CSMD3: variants seen among roughly 807,000 people sequenced by gnomAD.
CSMD3 encodes CUB and Sushi multiple domains 3.
In CSMD3, 177 loss-of-function variants were observed where a neutral mutation model predicts 435.2. The ratio of observed to expected loss-of-function variants is 0.41; its 90% confidence interval spans 0.36 to 0.46. The LOEUF (loss-of-function observed/expected upper bound fraction) is 0.46. CSMD3 is among the 20% of genes least tolerant of loss of function. The pLI, the probability that CSMD3 is intolerant of heterozygous loss-of-function variation, is 0.34. For missense variants in CSMD3, 4,265 were observed against 4,504.6 expected (o/e 0.95, Z 1.52); for synonymous variants, 1,656 against 1,520.5 (o/e 1.09, Z -2.07).
chr8:113,055,962 GGATAA>G (rs2088317925), intron 5 of CSMD3, among the ~76,000 whole-genome samples: 1 of 152,144 alleles, frequency 6.6e-6, no homozygotes, highest in Non-Finnish European at 1.5e-5. Context: ...TGGGTGAAGA[GGATAA>G]GATGAGAGGG....
chr8:112,378,386 G>A (rs528765922), intron 38 of CSMD3, among the ~76,000 whole-genome samples: 3 of 152,058 alleles, frequency 2.0e-5, no homozygotes, highest in Admixed American at 6.6e-5. Context: ...TATTGCAGCA[G>A]TATTCACAAT....
rs1386802500 is a variant in CSMD3, at chr8:112,955,277, A to C, written c.1343-516T>G. Among the ~76,000 whole-genome samples the C allele has an allele frequency of 1.3e-5, 2 of 151,724 alleles. 1 individual carries two copies. Among genetic ancestry groups the C allele is most frequent in the Non-Finnish European group, 3.0e-5 (2 of 67,666 alleles). ...TTTAATAGCTCTGTCAATCATTTCCATTCATTATCATTGCTTTTGACACTA... is the reference window on the plus strand; with the variant it reads ...TTTAATAGCTCTGTCAATCATTTCCCTTCATTATCATTGCTTTTGACACTA... On this transcript the variant is annotated intron_variant, in intron 7 of 70. Transcript: ENST00000297405.
At chr8:112,539,417 C>A (rs911264294) in intron 27 of CSMD3, 1 of 151,904 alleles carries the variant, frequency 6.6e-6, no homozygotes, top group Admixed American at 6.6e-5. Flanking sequence ...TTTAAAAATT[C>A]TAAAATTCCT....
intron 11 of CSMD3, among the ~76,000 whole-genome samples, chr8:112,830,613 CA>C (rs1053989246): frequency 3.3e-5 from 5 of 151,742 alleles, no homozygotes; most frequent in Non-Finnish European, 7.4e-5. Context: ...TAATTTATAA[CA>C]AAATATTATT....
chr8:113,224,013 C>T (rs1052551497), intron 3 of CSMD3, among the ~76,000 whole-genome samples: 7 of 151,086 alleles, frequency 4.6e-5, no homozygotes, highest in African/African-American at 1.7e-4. Flanking sequence ...AACATCTAAT[C>T]TTCAGTTAAG....
At chr8:113,410,475 C>T (rs760982698) in intron 1 of CSMD3, among the ~76,000 whole-genome samples, 37 of 152,084 alleles carry the variant, frequency 2.4e-4, no homozygotes, top group Non-Finnish European at 4.7e-4. Flanking sequence ...TCCCCTCCTG[C>T]TTGAATATGC....
chr8:113,203,634 G>A lies in CSMD3; in HGVS notation c.515-29718C>T, dbSNP rs1010523193. 3.3e-5 allele frequency among the ~76,000 whole-genome samples: 5 copies of A among 151,842 alleles called. No homozygotes were observed. In the East Asian group the frequency reaches 7.8e-4, roughly 24 times the overall value. ...TTAAAATATCATATACCACTGAAGC[G>A]TTTATAGTGAAAATTTAGTTCTTAA... On this transcript the variant is annotated intron_variant, in intron 3 of 70. Transcript: ENST00000297405.
At chr8:112,817,759 TGA>T (rs2079415889) in intron 12 of CSMD3, among the ~76,000 whole-genome samples, 1 of 152,076 alleles carries the variant, frequency 6.6e-6, no homozygotes, top group Non-Finnish European at 1.5e-5. Context: ...CTCTGAATTG[TGA>T]GTTTAAATTT....
chr8:112,978,238 C>T (rs2084925530), intron 6 of CSMD3, among the ~76,000 whole-genome samples: 1 of 151,928 alleles, frequency 6.6e-6, no homozygotes, highest in African/African-American at 2.4e-5. Context: ...GGAATTTATA[C>T]TATGTCACAT....
intron 11 of CSMD3, among the ~76,000 whole-genome samples, chr8:112,850,506 T>C (rs80120882): frequency 6.6e-6 from 1 of 152,314 alleles, no homozygotes. Context: ...TGAATGTTGG[T>C]TGATATTTAA....
chr8:112,509,516 TTATAATAATA>T (rs1236349957), intron 28 of CSMD3, among the ~76,000 whole-genome samples: 1 of 152,200 alleles, frequency 6.6e-6, no homozygotes, highest in East Asian at 1.9e-4. Flanking sequence ...ACTTCTGCAT[TTATAATAATA>T]ATGAAGACTT....
chr8:113,005,776 A>T (rs918383806), intron 6 of CSMD3, among the ~76,000 whole-genome samples: 3 of 152,054 alleles, frequency 2.0e-5, no homozygotes, highest in African/African-American at 7.2e-5. Context: ...TATTTTTAAA[A>T]AATAATAAAC....
chr8:112,612,863 G>A (rs533771198), intron 22 of CSMD3, among the ~76,000 whole-genome samples: 23 of 151,246 alleles, frequency 1.5e-4, no homozygotes, highest in African/African-American at 5.6e-4. Flanking sequence ...AATCACAGGG[G>A]TGTACACCAC....
intron 27 of CSMD3, among the ~76,000 whole-genome samples, chr8:112,525,408 AG>A (rs1824774537): frequency 6.7e-6 from 1 of 150,256 alleles, no homozygotes; most frequent in African/African-American, 2.4e-5. Flanking sequence ...ATAAAGTAGA[AG>A]TTTAATCCAA....
intron 2 of CSMD3, among the ~76,000 whole-genome samples, chr8:113,292,660 AGGTAACATATGAGAT>A (rs2093694160): frequency 2.6e-5 from 4 of 152,012 alleles, no homozygotes; most frequent in South Asian, 4.2e-4. Flanking sequence ...GTAATTTTTG[AGGTAACATATGAGAT>A]GGCATGCTGT....
chr8:113,399,184 C>T (rs2094498427), intron 1 of CSMD3, among the ~76,000 whole-genome samples: 1 of 142,264 alleles, frequency 7.0e-6, no homozygotes, highest in South Asian at 2.2e-4. Flanking sequence ...ATATATAAAA[C>T]AAGTATTGGC....
chr8:113,243,567 G>A (rs553180608), intron 3 of CSMD3, among the ~76,000 whole-genome samples: 128 of 152,032 alleles, frequency 8.4e-4, no homozygotes, highest in African/African-American at 2.9e-3. Flanking sequence ...GTGCTATGAG[G>A]AGCCATCATG....
intron 4 of CSMD3, among the ~76,000 whole-genome samples, chr8:113,167,226 C>T (rs1393530871): frequency 2.0e-5 from 3 of 152,030 alleles, no homozygotes; most frequent in Non-Finnish European, 4.4e-5. Flanking sequence ...CAAGTGATAG[C>T]TATTACTTCT....
chr8:112,962,351 C>T (rs551548624), intron 7 of CSMD3, among the ~76,000 whole-genome samples: 2 of 151,472 alleles, frequency 1.3e-5, no homozygotes, highest in Admixed American at 6.6e-5. Context: ...ATATTTGTTT[C>T]GCACTCAACA....
Sources: gnomAD v4.1 joint callset for allele counts (sites outside exome capture counted in the v4.1 genomes callset) on GRCh38, gnomAD v4.1.1 for gene constraint, MANE v1.5 for transcripts, NCBI Gene and HGNC (gene_info 2026-07-23, HGNC 2026-07-21) for gene names.